The following PACRG variants were observed in gnomAD, a reference collection of about 807,000 sequenced individuals.
PACRG encodes the protein parkin coregulated gene protein.
Under a neutral mutation model 29.7 loss-of-function variants are expected in PACRG, and 29 were observed. The observed-to-expected ratio is 0.98, with a 90% CI of 0.73 to 1.33. The LOEUF is 1.33. PACRG is among the 40% of genes most tolerant of loss of function. PACRG has a pLI of 0.00. For synonymous variants in PACRG, 116 were observed against 118.7 expected (o/e 0.98, Z 0.15); for missense variants, 279 against 316.2 (o/e 0.88, Z 0.89).
chr6:163,111,958 C>A, intron 4 of PACRG: 1 of 612,260 alleles, frequency 1.6e-6, no homozygotes, highest in Non-Finnish European at 2.0e-6. Context: ...TCTGAATTTT[C>A]AGGGAATTTT....
intron 4 of PACRG, among the ~76,000 whole-genome samples, chr6:163,100,415 C>T (rs532548315): frequency 6.6e-6 from 1 of 152,300 alleles, no homozygotes; most frequent in Admixed American, 6.5e-5. Flanking sequence ...AGGCGTCGCG[C>T]GGCCAGCCCC....
chr6:163,020,788 C>T (rs1365204958), intron 2 of PACRG, among the ~76,000 whole-genome samples: 1 of 152,010 alleles, frequency 6.6e-6, no homozygotes, highest in Non-Finnish European at 1.5e-5. Context: ...AGTGTTATAA[C>T]TGTTCTAAAA....
intron 1 of PACRG, among the ~76,000 whole-genome samples, chr6:162,788,979 A>T (rs1166925101): frequency 2.0e-5 from 3 of 152,154 alleles, no homozygotes; most frequent in Non-Finnish European, 1.5e-5. Context: ...GAAGAAGAAA[A>T]GCTTCCCTGA....
intron 4 of PACRG, among the ~76,000 whole-genome samples, chr6:163,313,336 A>G (rs1785512247): frequency 6.6e-6 from 1 of 151,956 alleles, no homozygotes; most frequent in Admixed American, 6.6e-5. Context: ...TTAGTAATAT[A>G]TCTGCCTGCC....
intron 4 of PACRG, among the ~76,000 whole-genome samples, chr6:163,215,126 T>G (rs73597536): frequency 0.016 from 2,467 of 152,288 alleles, 55 homozygotes; most frequent in African/African-American, 0.056. Context: ...CATTTTTTTT[T>G]TGTGCAATGT....
chr6:163,268,583 T>C (rs115198698), intron 4 of PACRG, among the ~76,000 whole-genome samples: 116 of 152,294 alleles, frequency 7.6e-4, no homozygotes, highest in African/African-American at 2.5e-3. Context: ...ACGGTCAGTT[T>C]GCTGTTCATA....
chr6:162,778,425 T>C (rs1562587492), intron 1 of PACRG, among the ~76,000 whole-genome samples: 1 of 152,220 alleles, frequency 6.6e-6, no homozygotes, highest in Non-Finnish European at 1.5e-5. Context: ...CAAACACGTT[T>C]AAAGCACATA....
intron 4 of PACRG, among the ~76,000 whole-genome samples, chr6:163,274,186 C>A (rs1235038876): frequency 6.6e-6 from 1 of 152,144 alleles, no homozygotes; most frequent in African/African-American, 2.4e-5. Context: ...CCCGCTCCCT[C>A]CACCCCCCAA....
rs377658560 is a variant in PACRG at position 163,195,128 on chromosome 6, A to G, written c.613+105720A>G. On this transcript the variant is annotated intron_variant, in intron 4 of 4. Transcript: ENST00000366888. Reference sequence around the variant, plus strand: ...ATGTCAAAAGGAGGTGATGTTTCCAAAGGTAGCAATTGAAGGAGCCTCTTT... The same window carrying G: ...ATGTCAAAAGGAGGTGATGTTTCCAGAGGTAGCAATTGAAGGAGCCTCTTT... Among the ~76,000 whole-genome samples the G allele has an allele frequency of 5.7e-4, 87 of 152,230 alleles. 1 individual carries two copies. The South Asian group carries it at 0.016, about 28-fold the overall frequency.
intron 1 of PACRG, among the ~76,000 whole-genome samples, chr6:162,784,348 A>T (rs541536185): frequency 2.0e-5 from 3 of 152,156 alleles, no homozygotes; most frequent in African/African-American, 7.2e-5. Context: ...TGGTCATCTT[A>T]TCTTAATTTC....
At chr6:162,767,907 A>T (rs901548607) in intron 1 of PACRG, among the ~76,000 whole-genome samples, 2 of 152,034 alleles carry the variant, frequency 1.3e-5, no homozygotes, top group African/African-American at 2.4e-5. Flanking sequence ...ACAGTGTAGG[A>T]AATGTTAGAA....
intron 2 of PACRG, among the ~76,000 whole-genome samples, chr6:162,845,650 G>A (rs547086978): frequency 6.6e-6 from 1 of 152,200 alleles, no homozygotes; most frequent in Admixed American, 6.5e-5. Context: ...CCACATCACT[G>A]CAGACGTCAT....
intron 2 of PACRG, among the ~76,000 whole-genome samples, chr6:162,874,290 A>C (rs1793102349): frequency 6.6e-6 from 1 of 152,036 alleles, no homozygotes; most frequent in African/African-American, 2.4e-5. Context: ...AAACTATTTT[A>C]ATCTTTCCCT....
chr6:162,823,430 T>C (rs577167440), intron 2 of PACRG, among the ~76,000 whole-genome samples: 2 of 152,248 alleles, frequency 1.3e-5, no homozygotes, highest in East Asian at 3.9e-4. Context: ...ATTTATATTC[T>C]GTTCTATTAT....
chr6:162,953,282 T>C (rs1019205076), intron 2 of PACRG, among the ~76,000 whole-genome samples: 3 of 152,170 alleles, frequency 2.0e-5, no homozygotes, highest in Admixed American at 2.0e-4. Flanking sequence ...ATCTGTATTA[T>C]TTAATATTTT....
intron 3 of PACRG, among the ~76,000 whole-genome samples, chr6:163,074,947 T>C (rs569223979): frequency 1.1e-4 from 16 of 152,124 alleles, no homozygotes; most frequent in Admixed American, 4.6e-4. Context: ...TGGGCTGTGA[T>C]TGGGCACTGC....
chr6:163,064,101 A>C (rs921366866), intron 3 of PACRG, among the ~76,000 whole-genome samples: 2 of 150,676 alleles, frequency 1.3e-5, no homozygotes, highest in African/African-American at 4.9e-5. Flanking sequence ...TTTTTTTTAA[A>C]TCAATGCTTC....
intron 1 of PACRG, among the ~76,000 whole-genome samples, chr6:162,776,275 G>A (rs570932601): frequency 6.6e-6 from 1 of 152,126 alleles, no homozygotes; most frequent in Non-Finnish European, 1.5e-5. Flanking sequence ...TTTTACTATT[G>A]ACAGTTAAGT....
chr6:162,829,460 C>T (rs1159199415), intron 2 of PACRG, among the ~76,000 whole-genome samples: 1 of 152,208 alleles, frequency 6.6e-6, no homozygotes, highest in East Asian at 1.9e-4. Context: ...ATTCTTTCAT[C>T]CATCACACAT....
Sources: gnomAD v4.1 joint callset for allele counts (sites outside exome capture counted in the v4.1 genomes callset) on GRCh38, gnomAD v4.1.1 for gene constraint, MANE v1.5 for transcripts, NCBI Gene and HGNC (gene_info 2026-07-23, HGNC 2026-07-21) for gene names.